Variants in DLGAP1 observed in about 807,000 individuals in gnomAD.
The protein encoded by DLGAP1 is disks large-associated protein 1.
Under a neutral mutation model 90.8 loss-of-function variants are expected in DLGAP1, and 11 were observed. The ratio of observed to expected loss-of-function variants is 0.12; its 90% CI spans 0.08 to 0.20. The LOEUF is 0.20. DLGAP1 is among the 10% of genes least tolerant of loss of function. The pLI is 1.00. For synonymous variants in DLGAP1, 558 were observed against 540.7 expected, an observed-to-expected ratio of 1.03 and a Z score of -0.44; for missense variants, 1,050 against 1,333.8, an observed-to-expected ratio of 0.79 and a Z score of 3.31.
At chr18:4,017,077 G>C (rs1205108700) in intron 2 of DLGAP1, among the ~76,000 whole-genome samples, 2 of 152,182 alleles carry the variant, frequency 1.3e-5, no homozygotes, top group South Asian at 2.1e-4. Flanking sequence ...GATCACGTTT[G>C]GGTAGTCAAA....
chr18:4,013,089 A>G (rs114073412), intron 2 of DLGAP1, among the ~76,000 whole-genome samples: 2,013 of 152,262 alleles, frequency 0.013, 48 homozygotes, highest in African/African-American at 0.046. Flanking sequence ...GTAGTTTCTG[A>G]AAGTTTTCTT....
intron 1 of DLGAP1, among the ~76,000 whole-genome samples, chr18:4,382,105 AT>A (rs2082136407): frequency 6.6e-6 from 1 of 152,116 alleles, no homozygotes; most frequent in Non-Finnish European, 1.5e-5. Context: ...AATTATGGGA[AT>A]TACAATACAA....
intron 7 of DLGAP1, among the ~76,000 whole-genome samples, chr18:3,688,950 T>C (rs186113117): frequency 9.7e-4 from 148 of 152,304 alleles, no homozygotes; most frequent in South Asian, 8.7e-3. Context: ...TGGAGAACCC[T>C]GGGCTTAGCT....
At chr18:3,810,857 G>A (rs1310959261) in intron 5 of DLGAP1, among the ~76,000 whole-genome samples, 1 of 151,810 alleles carries the variant, frequency 6.6e-6, no homozygotes, top group Non-Finnish European at 1.5e-5. Flanking sequence ...CCAGGCTGGG[G>A]TGCAATGGCT....
chr18:4,144,397 T>A (rs1406182808), intron 2 of DLGAP1, among the ~76,000 whole-genome samples: 1 of 152,030 alleles, frequency 6.6e-6, no homozygotes, highest in African/African-American at 2.4e-5. Flanking sequence ...CAGCACTGAG[T>A]TCCTATACAA....
At chr18:4,040,902 G>A (rs751268480) in intron 2 of DLGAP1, among the ~76,000 whole-genome samples, 4 of 152,106 alleles carry the variant, frequency 2.6e-5, no homozygotes, top group Admixed American at 6.5e-5. Flanking sequence ...ACTCACACAC[G>A]GTTGCTAGTG....
chr18:3,709,422 G>A (rs189131057), intron 7 of DLGAP1, among the ~76,000 whole-genome samples: 1 of 152,156 alleles, frequency 6.6e-6, no homozygotes, highest in Non-Finnish European at 1.5e-5. Context: ...AGCTTTGTTC[G>A]AATGTGAGCT....
At chr18:4,345,199 T>C (rs962961125) in intron 1 of DLGAP1, among the ~76,000 whole-genome samples, 5 of 152,074 alleles carry the variant, frequency 3.3e-5, no homozygotes, top group African/African-American at 1.2e-4. Context: ...CAAAGTCTTC[T>C]TAGTCTCATG....
At chr18:4,406,992 G>A (rs1404769808) in intron 1 of DLGAP1, among the ~76,000 whole-genome samples, 1 of 152,082 alleles carries the variant, frequency 6.6e-6, no homozygotes, top group Non-Finnish European at 1.5e-5. Flanking sequence ...ATGATCATTG[G>A]GAGCTTTCCT....
intron 3 of DLGAP1, among the ~76,000 whole-genome samples, chr18:3,938,235 G>GA (rs1160999676): frequency 3.3e-5 from 5 of 152,198 alleles, no homozygotes; most frequent in African/African-American, 1.2e-4. Context: ...GCTTTCATCT[G>GA]ACTAGGGAGC....
At chr18:4,126,152 A>T (rs1363172142) in intron 2 of DLGAP1, among the ~76,000 whole-genome samples, 8 of 152,188 alleles carry the variant, frequency 5.3e-5, no homozygotes, top group Admixed American at 3.9e-4. Context: ...GCTTTTTGTA[A>T]GTGAGTCCTC....
chr18:3,754,476 G>A (rs1280186538), intron 5 of DLGAP1, among the ~76,000 whole-genome samples: 2 of 151,524 alleles, frequency 1.3e-5, no homozygotes, highest in Non-Finnish European at 2.9e-5. Context: ...ACAAACTGTG[G>A]CCTAGAAATA....
At chr18:4,174,064 C>T (rs1458094157) in intron 1 of DLGAP1, among the ~76,000 whole-genome samples, 3 of 152,176 alleles carry the variant, frequency 2.0e-5, no homozygotes, top group Non-Finnish European at 4.4e-5. Context: ...AGGATTCACT[C>T]AACCTCCACC....
intron 7 of DLGAP1, among the ~76,000 whole-genome samples, chr18:3,589,967 A>G (rs978158982): frequency 1.3e-5 from 2 of 152,160 alleles, no homozygotes; most frequent in African/African-American, 4.8e-5. Flanking sequence ...CTGGAGCGCA[A>G]TGGCACCGTC....
At position 4,123,804 on chromosome 18, in the gene DLGAP1, G is replaced by A. The variant is rs9963097; in HGVS notation, c.-159+27376C>T. ...CAAAACAGAATACTGTTTATAAGGC[G>A]GGTTTCTGGTAACAATGTGTGGGTT... On this transcript the variant is annotated intron_variant, in intron 2 of 12. Coordinates refer to ENST00000315677, the MANE Select transcript of DLGAP1 (RefSeq NM_004746.4). 4.0e-3 allele frequency among the ~76,000 whole-genome samples: 615 copies of A among 152,268 alleles called. 2 individuals are homozygous for A. The highest frequency in any genetic ancestry group is 0.014 in the African/African-American group (580 of 41,568).
intron 4 of DLGAP1, among the ~76,000 whole-genome samples, chr18:3,869,461 T>A (rs2070607604): frequency 6.6e-6 from 1 of 151,920 alleles, no homozygotes; most frequent in Non-Finnish European, 1.5e-5. Flanking sequence ...AAGGGTGAGG[T>A]GGGAGGGTCG....
chr18:3,869,495 A>G (rs917616088), intron 4 of DLGAP1, among the ~76,000 whole-genome samples: 2 of 152,202 alleles, frequency 1.3e-5, no homozygotes, highest in African/African-American at 4.8e-5. Flanking sequence ...GGTCAAGGCT[A>G]CAGTAAGCCA....
At chr18:3,596,696 T>G (rs1277744055) in intron 7 of DLGAP1, 3 of 408,676 alleles carry the variant, frequency 7.3e-6, no homozygotes, top group African/African-American at 6.3e-5. Context: ...GATAAATGCT[T>G]GTTACATGAA....
chr18:4,101,435 A>T (rs961527399), intron 2 of DLGAP1, among the ~76,000 whole-genome samples: 1 of 152,220 alleles, frequency 6.6e-6, no homozygotes, highest in Non-Finnish European at 1.5e-5. Context: ...CTGATCAAAG[A>T]TCACTACAAT....
Sources: gnomAD v4.1 joint callset for allele counts (sites outside exome capture counted in the v4.1 genomes callset) on GRCh38, gnomAD v4.1.1 for gene constraint, MANE v1.5 for transcripts, NCBI Gene and HGNC (gene_info 2026-07-23, HGNC 2026-07-21) for gene names.